Variants in FAT1 observed in about 807,000 individuals in gnomAD.
The protein encoded by FAT1 is protocadherin Fat 1.
In FAT1, 171 loss-of-function variants were observed where a neutral mutation model predicts 329.8. That is an observed-to-expected ratio of 0.52 (90% CI 0.46 to 0.59). The LOEUF (loss-of-function observed/expected upper bound fraction) is 0.59. Among genes scored for constraint, FAT1 ranks in the 20% least tolerant of loss-of-function variants. FAT1 has a pLI of 0.00. For missense variants in FAT1, 5,672 were observed against 5,774.4 expected, an observed-to-expected ratio of 0.98 and a Z score of 0.57; for synonymous variants, 2,233 against 2,228.6, an observed-to-expected ratio of 1.00 and a Z score of -0.06.
intron 20 of FAT1, 169 bp from the exon 21 acceptor site, chr4:186,601,595 C>T (rs1158545106): frequency 4.2e-6 from 2 of 476,310 alleles, no homozygotes; most frequent in Admixed American, 6.7e-5. Flanking sequence ...AAAAGCCCAG[C>T]ATGACTGGCT....
At chr4:186,625,324 A>C (rs1740248854) in intron 9 of FAT1, among the ~76,000 whole-genome samples, 1 of 152,238 alleles carries the variant, frequency 6.6e-6, no homozygotes, top group East Asian at 1.9e-4. Context: ...CAAGGCACTA[A>C]CTACACTACA....
At chr4:186,609,776 A>C (rs1739312685) in intron 15 of FAT1, 25 bp downstream of exon 15, 1 of 1,520,708 alleles carries the variant, frequency 6.6e-7, no homozygotes, top group Non-Finnish European at 9.1e-7. Context: ...CACAGTTTTC[A>C]CTGTAATGGG....
intron 2 of FAT1, among the ~76,000 whole-genome samples, chr4:186,695,790 C>CACAT (rs1420706278): frequency 6.6e-6 from 1 of 151,220 alleles, no homozygotes; most frequent in African/African-American, 2.4e-5. Flanking sequence ...CACACACACA[C>CACAT]ACACACACAC....
chr4:186,618,398 T>C lies in FAT1; in HGVS notation c.8188A>G (p.Ser2730Gly), dbSNP rs371409086. 3.1e-6 allele frequency: 5 copies of C among 1,613,940 alleles called. No homozygotes were observed. The African/African-American group carries it at 6.7e-5, about 22-fold the overall frequency. The change falls in exon 10 of 27, where the codon AGT (serine) becomes GGT (glycine). Residue 2730 changes from serine to glycine, a missense_variant. Ser to Gly is a moderately conservative substitution (Grantham distance 56). Around this residue, in one of 2 missense-constraint regions of FAT1, gnomAD observed 3,966 missense variants for 3,915.2 expected, o/e 1.01. Transcript: ENST00000441802. The part of the protein sequence containing the change: ...TEIDLIRAEH[S>G]GTVLYSLVKG... The stretch of plus-strand genomic sequence containing the variant: ...ACCAGGCTGTAAAGAACAGTCCCAC[T>C]ATGTTCTGCTCGGATGAGATCTATC...
At chr4:186,615,106 A>G (rs960185260) in intron 11 of FAT1, among the ~76,000 whole-genome samples, 1 of 152,214 alleles carries the variant, frequency 6.6e-6, no homozygotes, top group Admixed American at 6.5e-5. Flanking sequence ...AGGGTATTTC[A>G]TAATAGGATG....
chr4:186,649,432 A>G (rs917123321), intron 3 of FAT1, among the ~76,000 whole-genome samples: 1 of 152,232 alleles, frequency 6.6e-6, no homozygotes, highest in Non-Finnish European at 1.5e-5. Context: ...GTGTGAACTG[A>G]TGTGGATAAG....
chr4:186,686,238 A>ACCCCC (rs3083333), intron 2 of FAT1, among the ~76,000 whole-genome samples: 1 of 140,030 alleles, frequency 7.1e-6, no homozygotes, highest in African/African-American at 2.6e-5. Flanking sequence ...GAGAATTTTC[A>ACCCCC]CCCCCCCCCG....
chr4:186,620,025 GTAGAAAGGTT>G lies in FAT1; in HGVS notation c.6551_6560del (p.Lys2184ThrfsTer26). On this transcript the variant is annotated frameshift_variant, in exon 10 of 27. Coordinates refer to ENST00000441802, the MANE Select transcript of FAT1 (RefSeq NM_005245.4). LOFTEE classifies it high-confidence loss of function. ...GGATGCTCTCTGCAATCTCTGCACT[GTAGAAAGGTT>G]TTTCAAACACAGGCATGGCTTTATT... The G allele has an allele frequency of 6.2e-7, 1 of 1,614,026 alleles. No individual in the cohort carries two copies. The highest frequency in any genetic ancestry group is 8.5e-7 in the Non-Finnish European group (1 of 1,179,904).
At position 186,588,605 on chromosome 4, in the gene FAT1, T is replaced by C. The variant is rs1043353926; in HGVS notation, c.13754A>G (p.His4585Arg). Residue 4585 changes from histidine to arginine, a missense_variant, in exon 27 of 27, where the codon CAC (histidine) becomes CGC (arginine). Transcript: ENST00000441802. Reference sequence around the variant, plus strand: ...GGGAGTTGAGAGTCAGACTTCCGTGTGCTGCTGGGAATCCAGGGGCGGGAT... The same window carrying C: ...GGGAGTTGAGAGTCAGACTTCCGTGCGCTGCTGGGAATCCAGGGGCGGGAT... ...VTIPPLDSQQ[H>R]TEV The C allele has an allele frequency of 1.2e-6, 2 of 1,611,442 alleles. No homozygotes were observed. The highest frequency in any genetic ancestry group is 1.7e-6 in the Non-Finnish European group (2 of 1,178,688).
intron 2 of FAT1, among the ~76,000 whole-genome samples, chr4:186,703,328 A>C (rs1744415916): frequency 1.3e-5 from 2 of 152,230 alleles, no homozygotes; most frequent in South Asian, 4.1e-4. Flanking sequence ...ACTTCTACAA[A>C]AACAGAAAAC....
At chr4:186,648,735 C>T (rs1741493094) in intron 3 of FAT1, among the ~76,000 whole-genome samples, 1 of 152,052 alleles carries the variant, frequency 6.6e-6, no homozygotes, top group Non-Finnish European at 1.5e-5. Context: ...AGGTGTGCAT[C>T]GGGATCATGG....
In FAT1 at chr4:186,607,886, T is replaced by C. The variant is rs184557071; in HGVS notation, c.10206+1297A>G. Among the ~76,000 whole-genome samples, 23 of 152,130 alleles carry C rather than the reference T, an allele frequency of 1.5e-4. No homozygotes were observed. In the East Asian group the frequency reaches 3.9e-3, roughly 26 times the overall value. On this transcript the variant is annotated intron_variant, in intron 16 of 26. Transcript: ENST00000441802. The stretch of plus-strand genomic sequence containing the variant: ...ATCTCAATCCCTCATGTCACTTCTA[T>C]CAACATCTCCAACGGCAAGTACCAT...
intron 2 of FAT1, among the ~76,000 whole-genome samples, chr4:186,666,759 A>G (rs1742455990): frequency 6.6e-6 from 1 of 152,220 alleles, no homozygotes; most frequent in Non-Finnish European, 1.5e-5. Context: ...TCTTACATGC[A>G]TTATCTTATA....
At chr4:186,700,125 A>G (rs570645892) in intron 2 of FAT1, among the ~76,000 whole-genome samples, 1 of 152,268 alleles carries the variant, frequency 6.6e-6, no homozygotes, top group African/African-American at 2.4e-5. Flanking sequence ...GGACAAGGCA[A>G]GAGAACGATG....
chr4:186,700,787 A>T (rs1419036430), intron 2 of FAT1, among the ~76,000 whole-genome samples: 1 of 152,192 alleles, frequency 6.6e-6, no homozygotes, highest in Non-Finnish European at 1.5e-5. Flanking sequence ...GGTGGTTGTG[A>T]GAATTAAATG....
intron 1 of FAT1, 120 bp from the exon 2 acceptor site, chr4:186,709,965 C>G (rs1219292145): frequency 1.7e-5 from 15 of 896,546 alleles, no homozygotes; most frequent in Non-Finnish European, 2.4e-5. Context: ...TAAATAAATG[C>G]AACGGTTTGG....
intron 6 of FAT1, among the ~76,000 whole-genome samples, chr4:186,634,947 A>C (rs1245080684): frequency 6.6e-6 from 1 of 152,276 alleles, no homozygotes; most frequent in African/African-American, 2.4e-5. Context: ...GAAATGTGAT[A>C]AAAGTTAACA....
intron 1 of FAT1, among the ~76,000 whole-genome samples, chr4:186,711,486 A>G (rs992674868): frequency 1.3e-5 from 2 of 152,250 alleles, no homozygotes; most frequent in African/African-American, 4.8e-5. Flanking sequence ...TTATAAAATA[A>G]TCTTGTAATT....
intron 1 of FAT1, among the ~76,000 whole-genome samples, chr4:186,711,713 T>C (rs1744963813): frequency 6.6e-6 from 1 of 151,908 alleles, no homozygotes; most frequent in Non-Finnish European, 1.5e-5. Flanking sequence ...AGCTCAGGAG[T>C]TCGAGACCAG....
Sources: allele counts gnomAD v4.1 joint callset (sites outside exome capture counted in the v4.1 genomes callset), GRCh38; gene constraint gnomAD v4.1.1; regional missense constraint gnomAD v4.1.1; transcripts MANE v1.5; gene names NCBI Gene and HGNC (gene_info 2026-07-23, HGNC 2026-07-21).